Variants in PLCB1 observed in about 807,000 individuals in gnomAD.
PLCB1 encodes phospholipase C beta 1.
Under a neutral mutation model 161.8 loss-of-function variants are expected in PLCB1, and 46 were observed. The ratio of observed to expected loss-of-function variants is 0.28; its 90% CI spans 0.22 to 0.36. The LOEUF is 0.36. PLCB1 is among the 10% of genes least tolerant of loss of function. The pLI is 1.00. For synonymous variants in PLCB1, 517 were observed against 503.7 expected, an observed-to-expected ratio of 1.03 and a Z score of -0.35; for missense variants, 1,016 against 1,472.5, an observed-to-expected ratio of 0.69 and a Z score of 5.07.
At chr20:8,363,827 A>G (rs1375651117) in intron 2 of PLCB1, among the ~76,000 whole-genome samples, 2 of 152,222 alleles carry the variant, frequency 1.3e-5, no homozygotes, top group Non-Finnish European at 2.9e-5. Context: ...AATAGTAGTC[A>G]TAACTATCTC....
intron 23 of PLCB1, among the ~76,000 whole-genome samples, chr20:8,745,373 A>C (rs1453889759): frequency 6.6e-6 from 1 of 152,178 alleles, no homozygotes; most frequent in Non-Finnish European, 1.5e-5. Flanking sequence ...AGCAGCAAAG[A>C]CTTTTTTAGT....
intron 3 of PLCB1, among the ~76,000 whole-genome samples, chr20:8,441,056 T>A (rs900647984): frequency 1.3e-5 from 2 of 152,298 alleles, no homozygotes; most frequent in Middle Eastern, 3.4e-3. Context: ...AACGGAGTGA[T>A]CTTTTGAAAA....
chr20:8,340,508 C>T (rs963898616), intron 2 of PLCB1, among the ~76,000 whole-genome samples: 3 of 152,042 alleles, frequency 2.0e-5, no homozygotes, highest in East Asian at 1.9e-4. Flanking sequence ...CTGCAAGCTC[C>T]GCCTCCCGGG....
chr20:8,618,140 T>C (rs1032790782), intron 3 of PLCB1, among the ~76,000 whole-genome samples: 9 of 152,002 alleles, frequency 5.9e-5, no homozygotes, highest in African/African-American at 2.2e-4. Flanking sequence ...AAAATATTGG[T>C]TGGGGAGAGA....
chr20:8,628,645 A>C (rs1988431469), intron 4 of PLCB1: 1 of 531,000 alleles, frequency 1.9e-6, no homozygotes, highest in African/African-American at 1.9e-5. Flanking sequence ...ATAAAGAATA[A>C]GCCATTTGGC....
At chr20:8,632,443 A>AT (rs1988630084) in intron 4 of PLCB1, among the ~76,000 whole-genome samples, 1 of 152,178 alleles carries the variant, frequency 6.6e-6, no homozygotes, top group South Asian at 2.1e-4. Context: ...AAGAAAACAG[A>AT]TAAAGACCCT....
At chr20:8,513,523 C>A (rs559959027) in intron 3 of PLCB1, among the ~76,000 whole-genome samples, 59 of 152,256 alleles carry the variant, frequency 3.9e-4, no homozygotes, top group African/African-American at 1.4e-3. Flanking sequence ...TTGGATAATT[C>A]GGAACGAATA....
At chr20:8,256,066 T>C (rs1263868785) in intron 2 of PLCB1, among the ~76,000 whole-genome samples, 1 of 152,108 alleles carries the variant, frequency 6.6e-6, no homozygotes, top group East Asian at 1.9e-4. Context: ...CTACACCATC[T>C]AGGTTTGTGT....
intron 2 of PLCB1, among the ~76,000 whole-genome samples, chr20:8,275,639 T>C (rs945544030): frequency 6.6e-6 from 1 of 152,328 alleles, no homozygotes; most frequent in East Asian, 1.9e-4. Context: ...TGTTTTATTT[T>C]GTTTATAACT....
intron 2 of PLCB1, among the ~76,000 whole-genome samples, chr20:8,204,302 G>C (rs1188349154): frequency 2.0e-5 from 3 of 152,122 alleles, no homozygotes; most frequent in South Asian, 4.2e-4. Context: ...AGAAACACAG[G>C]AAAAGATTGG....
chr20:8,528,558 G>A (rs550846001), intron 3 of PLCB1, among the ~76,000 whole-genome samples: 2 of 152,118 alleles, frequency 1.3e-5, no homozygotes, highest in South Asian at 4.1e-4. Flanking sequence ...GGCTTGTGAT[G>A]AAGATACTCT....
chr20:8,509,927 A>C (rs1460891812), intron 3 of PLCB1, among the ~76,000 whole-genome samples: 1 of 152,200 alleles, frequency 6.6e-6, no homozygotes, highest in African/African-American at 2.4e-5. Context: ...AAACATTGCC[A>C]TCTGCTTTGT....
At position 8,367,152 on chromosome 20, in the gene PLCB1, C is replaced by G. The variant is rs565483096; in HGVS notation, c.178-4230C>G. On this transcript the variant is annotated intron_variant, in intron 2 of 31. Transcript: ENST00000338037. ...ACTCTCACCACTAGGCACACTTTTA[C>G]ATTCAGTAAGTGTAATATTTTTATT... Among the ~76,000 whole-genome samples the G allele has an allele frequency of 3.9e-5, 6 of 152,306 alleles. No individual in the cohort carries two copies. In the East Asian group the frequency reaches 1.2e-3, roughly 29 times the overall value.
chr20:8,328,588 A>G (rs1985247012), intron 2 of PLCB1, among the ~76,000 whole-genome samples: 1 of 150,630 alleles, frequency 6.6e-6, no homozygotes, highest in Non-Finnish European at 1.5e-5. Context: ...ATAAATATAT[A>G]CATTTATATA....
chr20:8,781,396 A>T (rs1983217906), intron 27 of PLCB1, among the ~76,000 whole-genome samples: 1 of 116,766 alleles, frequency 8.6e-6, no homozygotes, highest in Non-Finnish European at 1.8e-5. Context: ...TCACACACAC[A>T]AACACACACA....
intron 2 of PLCB1, among the ~76,000 whole-genome samples, chr20:8,238,861 G>A (rs1980458197): frequency 7.3e-6 from 1 of 137,186 alleles, no homozygotes; most frequent in Non-Finnish European, 1.6e-5. Flanking sequence ...GAGTAAATGG[G>A]TGGCTGGGGG....
chr20:8,701,088 G>T (rs1014890835), intron 11 of PLCB1, among the ~76,000 whole-genome samples: 1 of 152,238 alleles, frequency 6.6e-6, no homozygotes, highest in South Asian at 2.1e-4. Flanking sequence ...GCACATAGTC[G>T]CCTCTCTTGC....
intron 3 of PLCB1, among the ~76,000 whole-genome samples, chr20:8,583,046 C>T (rs1372776686): frequency 1.2e-5 from 1 of 85,636 alleles, no homozygotes; most frequent in Non-Finnish European, 2.3e-5. Context: ...CATTGATGAA[C>T]CTTACATTGA....
intron 2 of PLCB1, among the ~76,000 whole-genome samples, chr20:8,226,201 A>G (rs1180066805): frequency 6.6e-6 from 1 of 152,116 alleles, no homozygotes; most frequent in Non-Finnish European, 1.5e-5. Flanking sequence ...CCATAAGCTT[A>G]CCTTTCACTG....
Sources: allele counts gnomAD v4.1 joint callset (sites outside exome capture counted in the v4.1 genomes callset), GRCh38; gene constraint gnomAD v4.1.1; transcripts MANE v1.5; gene names NCBI Gene and HGNC (gene_info 2026-07-23, HGNC 2026-07-21).